DNAH6: variants seen among roughly 807,000 people sequenced by gnomAD.
DNAH6 encodes the protein dynein axonemal heavy chain 6.
A neutral mutation model predicts 491.4 loss-of-function variants in DNAH6; 340 were observed. That is an observed-to-expected ratio of 0.69 (90% confidence interval 0.63 to 0.76). The LOEUF is 0.76. DNAH6 is among the 30% of genes least tolerant of loss of function. The pLI is 0.00. For synonymous variants in DNAH6, 1,603 were observed against 1,686.1 expected (o/e 0.95, Z 1.21); for missense variants, 4,443 against 4,972.2 (o/e 0.89, Z 3.20).
At chr2:84,486,096 T>G in the DNAH6 span, among the ~76,000 whole-genome samples, 1 of 152,172 alleles carries the variant, frequency 6.6e-6, no homozygotes, top group South Asian at 2.1e-4. Context: ...TGTGATAATA[T>G]GGAAAATATT....
Position 84,579,612 on chromosome 2 carries a change from AGTTT to A in DNAH6, c.2166_2169del (p.Val723GlnfsTer30). 1.2e-6 allele frequency: 2 copies of A among 1,611,986 alleles called. No homozygotes were observed. Among genetic ancestry groups the A allele is most frequent in the Non-Finnish European group, 1.7e-6 (2 of 1,179,352 alleles). ...GCACAAGATGCAGAGTATAAACTTGAGTTTGTTCCAACTACTACCACAGAATATG... is the reference window on the plus strand; with the variant it reads ...GCACAAGATGCAGAGTATAAACTTGAGTTCCAACTACTACCACAGAATATG... On this transcript the variant is annotated frameshift_variant, in exon 14 of 77. Transcript: ENST00000389394. LOFTEE classifies it high-confidence loss of function.
chr2:84,529,164 A>G lies in DNAH6; in HGVS notation c.660A>G (p.Leu220=), dbSNP rs771607358. ...CCATTGAATATGATACATATAATCT[A>G]AAGTGAGTTATTTTTTATGATGCAA... ...RSSIEYDTYN[L]KVVSYENINK... is the part of the protein sequence containing the mutation. The change falls in exon 4 of 77, where the codon CTA becomes CTG. Residue 220 remains leucine (L), a splice_region_variant and synonymous_variant. Transcript: ENST00000389394. The G allele has an allele frequency of 6.5e-7, 1 of 1,529,388 alleles. No individual in the cohort carries two copies. The highest frequency in any genetic ancestry group is 1.2e-5 in the South Asian group (1 of 81,496). 94.7% of individuals were successfully genotyped at this position (1,529,388 alleles called of 1,614,324 possible).
At chr2:84,592,014 A>C (rs907856313) in intron 16 of DNAH6, among the ~76,000 whole-genome samples, 21 of 152,222 alleles carry the variant, frequency 1.4e-4, no homozygotes, top group Non-Finnish European at 4.4e-5. Context: ...AGAAATCTTC[A>C]TGACATTGGC....
In DNAH6 at chr2:84,784,814, A is replaced by G. The variant is rs1677023382; in HGVS notation, c.10953+4A>G. 2 of 1,515,856 alleles carry G rather than the reference A, an allele frequency of 1.3e-6. No individual in the cohort carries two copies. The highest frequency in any genetic ancestry group is 1.8e-6 in the Non-Finnish European group (2 of 1,114,800). 93.9% of individuals were successfully genotyped at this position (1,515,856 alleles called of 1,614,324 possible). A position where few individuals can be genotyped will look rare whatever the true frequency, so the allele number is the denominator to read the frequency against. On this transcript the variant is annotated splice_donor_region_variant and intron_variant, in intron 66 of 76. Coordinates refer to ENST00000389394, the MANE Select transcript of DNAH6 (RefSeq NM_001370.2). ...AGTTCTTCAAAATTCTGTCAAGGTA[A>G]TGTATGCATATGGTTGGAACAATGT...
rs1019967221 is a variant in DNAH6 at position 84,602,598 on chromosome 2, G to T, written c.2869-1741G>T. On this transcript the variant is annotated intron_variant, in intron 18 of 76. Transcript: ENST00000389394. The stretch of plus-strand genomic sequence containing the variant: ...TAGGTGTGCATGTGCTATTGTTACT[G>T]TTCAAATTTATTTTGCTTGATGTTC... Among the ~76,000 whole-genome samples, 33 of 136,254 alleles carry T rather than the reference G, an allele frequency of 2.4e-4. 1 individual carries two copies. In the Admixed American group the frequency reaches 2.7e-3, roughly 11 times the overall value. 89.4% of individuals were successfully genotyped at this position (136,254 alleles called of 152,430 possible). A position where few individuals can be genotyped will look rare whatever the true frequency, so the allele number is the denominator to read the frequency against.
At chr2:84,784,625 AT>A (rs1406003941) in intron 65 of DNAH6, 96 bp from the exon 66 acceptor site, 17 of 748,366 alleles carry the variant, frequency 2.3e-5, no homozygotes, top group Non-Finnish European at 3.7e-5. Flanking sequence ...AGCTTATAGC[AT>A]TTTTTCCTTC....
chr2:84,764,614 A>G lies in DNAH6; in HGVS notation c.10703+1669A>G, dbSNP rs143934683. Among the ~76,000 whole-genome samples the G allele has an allele frequency of 1.1e-3, 171 of 152,308 alleles. 1 individual carries two copies. The Middle Eastern group carries it at 0.027, about 24-fold the overall frequency. ...AATTTGCATCATAGAGAAAAAATCA[A>G]TCATATTTGTATGAGAAGCCACATT... On this transcript the variant is annotated intron_variant, in intron 64 of 76. Coordinates refer to ENST00000389394, the MANE Select transcript of DNAH6 (RefSeq NM_001370.2).
At chr2:84,640,317 A>G (rs547092111) in intron 31 of DNAH6, 113 bp from the exon 32 acceptor site, 6 of 699,882 alleles carry the variant, frequency 8.6e-6, no homozygotes, top group African/African-American at 5.5e-5. Flanking sequence ...ATTAAAAGAC[A>G]TAACAACTTG....
intron 20 of DNAH6, 26 bp downstream of exon 20, chr2:84,605,618 T>C (rs1685685146): frequency 6.8e-7 from 1 of 1,468,494 alleles, no homozygotes; most frequent in Non-Finnish European, 9.3e-7. Context: ...ATTGAAAACT[T>C]ATGGTAAAGA....
rs992781236 is a variant in DNAH6, at chr2:84,607,680, G to A, written c.3294+585G>A. On this transcript the variant is annotated intron_variant, in intron 21 of 76. Coordinates refer to ENST00000389394, the MANE Select transcript of DNAH6 (RefSeq NM_001370.2). ...TTAAAAGTTATGTTTATAGTGTACT[G>A]TAGTCCATTAAGTGTGCAATACTAT... 2.6e-5 allele frequency among the ~76,000 whole-genome samples: 4 copies of A among 152,136 alleles called. 1 individual carries two copies. The highest frequency in any genetic ancestry group is 9.7e-5 in the African/African-American group (4 of 41,430).
chr2:84,786,801 A>G (rs1167942268), intron 67 of DNAH6, among the ~76,000 whole-genome samples: 1 of 152,208 alleles, frequency 6.6e-6, no homozygotes, highest in Non-Finnish European at 1.5e-5. Flanking sequence ...AGCTCTCTCC[A>G]CCAGATGGAT....
chr2:84,763,015 G>C, intron 64 of DNAH6, 70 bp downstream of exon 64: 4 of 1,207,906 alleles, frequency 3.3e-6, no homozygotes, highest in Non-Finnish European at 4.8e-6. Context: ...ATTTGCCTTT[G>C]TTCTTCCCCT....
In DNAH6 at chr2:84,813,029, C is replaced by A. The variant is rs747753761; in HGVS notation, c.11926-29C>A. On this transcript the variant is annotated intron_variant, in intron 73 of 76. Coordinates refer to ENST00000389394, the MANE Select transcript of DNAH6 (RefSeq NM_001370.2). ...AAAACAAATTCCATCCCAGAAATAA[C>A]GTTTATTATGAATATGTTTCTCCTT... 5.9e-6 allele frequency: 9 copies of A among 1,523,994 alleles called. No homozygotes were observed. In the Admixed American group the frequency reaches 1.8e-4, roughly 30 times the overall value. 94.4% of individuals were successfully genotyped at this position (1,523,994 alleles called of 1,614,324 possible). A position where few individuals can be genotyped will look rare whatever the true frequency, so the allele number is the denominator to read the frequency against.
rs1305920624 is a variant in DNAH6, at chr2:84,819,506, A to G, written c.*98A>G. 2.8e-6 allele frequency: 2 copies of G among 714,678 alleles called. No individual in the cohort carries two copies. Among genetic ancestry groups the G allele is most frequent in the East Asian group, 5.7e-5 (2 of 34,934 alleles). The allele number at this position is 714,678 out of a possible 1,614,324, so 44.3% of individuals were successfully genotyped here. A position where few individuals can be genotyped will look rare whatever the true frequency, so the allele number is the denominator to read the frequency against. The stretch of plus-strand genomic sequence containing the variant: ...ATTTATATGTGAGCAAAACGGTGTT[A>G]ATTCTGATTTGACTTAAACGTATTG... On this transcript the variant is annotated 3_prime_UTR_variant, in exon 77 of 77. Transcript: ENST00000389394.
chr2:84,483,511 G>A, the DNAH6 span, among the ~76,000 whole-genome samples: 2 of 152,010 alleles, frequency 1.3e-5, no homozygotes, highest in African/African-American at 2.4e-5. Context: ...TTGGAGATGG[G>A]TCTTAGAAAT....
In DNAH6 at chr2:84,697,619, C is replaced by G. The variant is rs1324931574; in HGVS notation, c.7569C>G (p.Asn2523Lys). 4 of 1,551,954 alleles carry G rather than the reference C, an allele frequency of 2.6e-6. No individual in the cohort carries two copies. The South Asian group carries it at 4.8e-5, about 18-fold the overall frequency. ...EFLEDINNIL[N>K]SGEVPNLFEK... The stretch of plus-strand genomic sequence containing the variant: ...TAGAAGATATAAATAACATCCTGAA[C>G]TCAGGTGAAGTGCCTAATTTATTTG... Residue 2523 changes from asparagine to lysine, a missense_variant, in exon 47 of 77, where the codon AAC becomes AAG. By Grantham distance (94) the Asn-to-Lys change is moderately conservative. Coordinates refer to ENST00000389394, the MANE Select transcript of DNAH6 (RefSeq NM_001370.2).
intron 37 of DNAH6, among the ~76,000 whole-genome samples, chr2:84,660,450 C>T (rs1334999131): frequency 2.0e-5 from 3 of 152,000 alleles, no homozygotes; most frequent in East Asian, 1.9e-4. Context: ...TTTCTTATGG[C>T]TAATACCAAC....
chr2:84,500,865 T>G, the DNAH6 span, among the ~76,000 whole-genome samples: 1 of 152,250 alleles, frequency 6.6e-6, no homozygotes, highest in Non-Finnish European at 1.5e-5. Context: ...GATTTTTGTA[T>G]GTTGATTTTT....
At chr2:84,512,150 A>T (rs1339561080), upstream of DNAH6, among the ~76,000 whole-genome samples, 1 of 152,112 alleles carries the variant, frequency 6.6e-6, no homozygotes, top group Non-Finnish European at 1.5e-5. Context: ...CTATTTCCTT[A>T]TTAATCTTTT....
Sources: allele counts gnomAD v4.1 joint callset (sites outside exome capture counted in the v4.1 genomes callset), GRCh38; gene constraint gnomAD v4.1.1; transcripts MANE v1.5; gene names NCBI Gene and HGNC (gene_info 2026-07-23, HGNC 2026-07-21).